EXOC7: variants seen among roughly 807,000 people sequenced by gnomAD.
EXOC7 encodes exocyst complex component 7.
Under a neutral mutation model 87.6 loss-of-function variants are expected in EXOC7, and 51 were observed. The ratio of observed to expected loss-of-function variants is 0.58; its 90% CI spans 0.46 to 0.73. The LOEUF is 0.73. EXOC7 is among the 30% of genes least tolerant of loss of function. The pLI is 0.00. For missense variants in EXOC7, 744 were observed against 888.4 expected, an observed-to-expected ratio of 0.84 and a Z score of 2.07; for synonymous variants, 327 against 357.1, an observed-to-expected ratio of 0.92 and a Z score of 0.95.
chr17:76,091,834 C>T (rs978836876), intron 6 of EXOC7, among the ~76,000 whole-genome samples: 2 of 152,178 alleles, frequency 1.3e-5, no homozygotes, highest in Non-Finnish European at 2.9e-5. Flanking sequence ...TTCCCCAAAC[C>T]ACCAAAGCGA....
In EXOC7 at chr17:76,101,335, T is replaced by C; in HGVS notation, c.353A>G (p.Lys118Arg). Reference protein sequence around the residue: ...RLEEYLGSMAKIQKAVEYFQD... With the variant: ...RLEEYLGSMARIQKAVEYFQD... ...GAAATACTCCACTGCCTTCTGAATCTTGGCCATGCTTCCCAGGTACTCTTC... is the reference window on the plus strand; with the variant it reads ...GAAATACTCCACTGCCTTCTGAATCCTGGCCATGCTTCCCAGGTACTCTTC... Residue 118 changes from lysine to arginine, a missense_variant, in exon 4 of 19, where the codon AAG (lysine) becomes AGG (arginine). By Grantham distance (26) the Lys-to-Arg change is conservative (BLOSUM62 2). Transcript: ENST00000589210. 1 of 1,614,122 alleles carries C rather than the reference T, an allele frequency of 6.2e-7. No homozygotes were observed. Among genetic ancestry groups the C allele is most frequent in the Non-Finnish European group, 8.5e-7 (1 of 1,180,032 alleles).
rs1425736744 is a variant in EXOC7, at chr17:76,088,986, G to T, written c.1048-63C>A. The T allele has an allele frequency of 5.8e-6, 9 of 1,560,598 alleles. No homozygotes were observed. The Admixed American group carries it at 1.3e-4, about 23-fold the overall frequency. ...CGGTGGGAGCTAGTTCTGGGCTAGT[G>T]GGGGATCCTTGCAGTATGTAGGGGG... On this transcript the variant is annotated intron_variant, in intron 8 of 18. Coordinates refer to ENST00000589210, the MANE Select transcript of EXOC7 (RefSeq NM_001013839.4).
At chr17:76,095,089 T>G (rs1433541877) in intron 5 of EXOC7, among the ~76,000 whole-genome samples, 1 of 152,112 alleles carries the variant, frequency 6.6e-6, no homozygotes, top group African/African-American at 2.4e-5. Context: ...GACTCTTGAA[T>G]AGCTGGGATT....
chr17:76,081,230 G>T lies in EXOC7; in HGVS notation c.*2418C>A. 1 of 1,607,828 alleles carries T rather than the reference G, an allele frequency of 6.2e-7. No individual in the cohort carries two copies. The highest frequency in any genetic ancestry group is 8.5e-7 in the Non-Finnish European group (1 of 1,177,258). ...CAGTCTGCTACCCCCAGACTTGGCA[G>T]CTGGGATCTCTCCTTCCTGGTTCAT... On this transcript the variant is annotated 3_prime_UTR_variant, in exon 19 of 19. Transcript: ENST00000589210.
chr17:76,083,625 A>T lies in EXOC7; in HGVS notation c.*23T>A. Reference sequence around the variant, plus strand: ...TCCAATGACACGCCAGTCTGGTGGAACCAGGCAGGGCTAGCAGCAGGCTCA... The same window carrying T: ...TCCAATGACACGCCAGTCTGGTGGATCCAGGCAGGGCTAGCAGCAGGCTCA... On this transcript the variant is annotated 3_prime_UTR_variant, in exon 19 of 19. Transcript: ENST00000589210. 6.2e-7 allele frequency: 1 copy of T among 1,611,744 alleles called. No homozygotes were observed. Among genetic ancestry groups the T allele is most frequent in the East Asian group, 2.2e-5 (1 of 44,862 alleles).
chr17:76,088,953 G>A (rs1044349520), intron 8 of EXOC7, 30 bp from the exon 9 acceptor site: 4 of 1,605,076 alleles, frequency 2.5e-6, no homozygotes, highest in East Asian at 2.2e-5. Context: ...GTTCAGGGAA[G>A]GGTGGGGCGG....
chr17:76,085,548 G>T (rs2144597443), intron 14 of EXOC7, 129 bp downstream of exon 14: 4 of 1,534,114 alleles, frequency 2.6e-6, no homozygotes, highest in Non-Finnish European at 3.6e-6. Context: ...GGGTCCTGGG[G>T]TGGAGGAGAC....
At position 76,090,418 on chromosome 17, in the gene EXOC7, C is replaced by T. The variant is rs1305077761; in HGVS notation, c.901+725G>A. ...GTGACCTGGCGAGATGTCGGCCGCA[C>T]AAACACAAGCAGCGTTTATCCAGGG... On this transcript the variant is annotated intron_variant, in intron 7 of 18. Transcript: ENST00000589210. 6.4e-7 allele frequency: 1 copy of T among 1,551,598 alleles called. No individual in the cohort carries two copies. The highest frequency in any genetic ancestry group is 1.4e-5 in the African/African-American group (1 of 73,058).
chr17:76,098,830 C>A (rs536789790), intron 4 of EXOC7, among the ~76,000 whole-genome samples: 30 of 144,868 alleles, frequency 2.1e-4, no homozygotes, highest in African/African-American at 7.8e-4. Context: ...TGCGTCACTG[C>A]ACTCCAGCCT....
chr17:76,087,561 G>C (rs1255632886), intron 12 of EXOC7, 93 bp downstream of exon 12: 2 of 1,281,658 alleles, frequency 1.6e-6, no homozygotes, highest in Non-Finnish European at 2.2e-6. Context: ...CCACAGACTG[G>C]AGATACCTCC....
intron 15 of EXOC7, 137 bp downstream of exon 15, chr17:76,085,177 T>G: frequency 1.4e-6 from 1 of 727,258 alleles, no homozygotes; most frequent in Non-Finnish European, 2.3e-6. Flanking sequence ...GTGAGTTTGA[T>G]TAGAAACCAA....
At chr17:76,087,352 G>A (rs1567963245) in intron 12 of EXOC7, 2 of 468,572 alleles carry the variant, frequency 4.3e-6, no homozygotes, top group East Asian at 3.8e-5. Flanking sequence ...GGATTTGGGA[G>A]GGGGGCAGGG....
At chr17:76,092,798 A>G (rs914451873) in intron 6 of EXOC7, 13 of 152,142 alleles carry the variant, frequency 8.5e-5, no homozygotes, top group Non-Finnish European at 1.2e-4. Flanking sequence ...CAGGCTCCCA[A>G]TTGCCTCCAG....
Position 76,103,024 on chromosome 17 carries a change from G to C in EXOC7, c.126+337C>G, listed in dbSNP as rs961753212. ...GGAATCTCAAAGTGCCAACCTCCTG[G>C]GCAGAGAGTCCACTGACAATGACAT... On this transcript the variant is annotated intron_variant, in intron 2 of 18. Transcript: ENST00000589210. 2.3e-5 allele frequency: 6 copies of C among 262,758 alleles called. No individual in the cohort carries two copies. In the East Asian group the frequency reaches 5.1e-4, roughly 22 times the overall value. 16.3% of individuals were successfully genotyped at this position (262,758 alleles called of 1,614,324 possible). A position where few individuals can be genotyped will look rare whatever the true frequency, so the allele number is the denominator to read the frequency against.
intron 5 of EXOC7, among the ~76,000 whole-genome samples, chr17:76,096,067 G>A (rs977967422): frequency 6.6e-6 from 1 of 152,222 alleles, no homozygotes; most frequent in Admixed American, 6.5e-5. Flanking sequence ...ATCTTCTGCC[G>A]AGCTGTCATC....
chr17:76,090,448 G>A (rs1192632222), intron 7 of EXOC7: 1 of 1,551,600 alleles, frequency 6.4e-7, no homozygotes, highest in African/African-American at 1.4e-5. Context: ...CCAGGGGCCA[G>A]GCAGGCCGCC....
At chr17:76,090,630 T>C (rs918678007) in intron 7 of EXOC7, 13 of 706,756 alleles carry the variant, frequency 1.8e-5, no homozygotes, top group Middle Eastern at 3.9e-4. Context: ...TAGCTGCTCA[T>C]TTCCCCGAGC....
In EXOC7 at chr17:76,081,238, C is replaced by T. The variant is rs531365602; in HGVS notation, c.*2410G>A. 6.2e-7 allele frequency: 1 copy of T among 1,609,740 alleles called. No homozygotes were observed. Among genetic ancestry groups the T allele is most frequent in the East Asian group, 2.2e-5 (1 of 44,860 alleles). On this transcript the variant is annotated 3_prime_UTR_variant, in exon 19 of 19. Transcript: ENST00000589210. ...TACCCCCAGACTTGGCAGCTGGGAT[C>T]TCTCCTTCCTGGTTCATAGTTCTCA...
At chr17:76,084,488 C>T (rs765523918) in intron 16 of EXOC7, 29 bp downstream of exon 16, 1 of 1,611,418 alleles carries the variant, frequency 6.2e-7, no homozygotes, top group Admixed American at 1.7e-5. Flanking sequence ...CTGCCAGACA[C>T]CCCTTCCCAG....
Sources: gnomAD v4.1 joint callset for allele counts (sites outside exome capture counted in the v4.1 genomes callset) on GRCh38, gnomAD v4.1.1 for gene constraint, MANE v1.5 for transcripts, NCBI Gene and HGNC (gene_info 2026-07-23, HGNC 2026-07-21) for gene names.